SH3KBP1: variants seen among roughly 807,000 people sequenced by gnomAD.
SH3KBP1 encodes SH3 domain-containing kinase-binding protein 1.
SH3KBP1 carries 8 observed loss-of-function variants against 50.1 expected under a neutral mutation model. The observed-to-expected ratio is 0.16, with a 90% confidence interval of 0.09 to 0.29. SH3KBP1 has a LOEUF of 0.29. Among genes scored for constraint, SH3KBP1 ranks in the 10% least tolerant of loss-of-function variants. The probability of loss-of-function intolerance (pLI) is 1.00; values close to 1 mark genes in which losing one functional copy is unlikely to be tolerated. For missense variants in SH3KBP1, 377 were observed against 535.2 expected (o/e 0.70, Z 2.92); for synonymous variants, 227 against 218.6 (o/e 1.04, Z -0.34).
chrX:19,760,041 C>CCCTCTCCCTCTCTCT (rs2065349510), intron 2 of SH3KBP1, among the ~76,000 whole-genome samples: 1 of 50,459 alleles, frequency 2.0e-5, no homozygotes, highest in African/African-American at 9.3e-5. Context: ...TCTCTCTCTC[C>CCCTCTCCCTCTCTCT]CTCTCTCTCT....
chrX:19,667,482 A>G (rs2062627412), intron 6 of SH3KBP1, among the ~76,000 whole-genome samples: 1 of 110,635 alleles, frequency 9.0e-6, no homozygotes, highest in Non-Finnish European at 1.9e-5. Context: ...AAAAAAAGTC[A>G]GCTAGGCATG....
At chrX:19,651,448 A>C (rs1428667519) in intron 6 of SH3KBP1, among the ~76,000 whole-genome samples, 1 of 112,205 alleles carries the variant, frequency 8.9e-6, no homozygotes, top group Non-Finnish European at 1.9e-5. Flanking sequence ...AACACCTCAC[A>C]TACTGTTAGG....
Position 19,607,477 on chromosome X carries a change from G to A in SH3KBP1, c.1005+461C>T, listed in dbSNP as rs367971814. 2.7e-4 allele frequency among the ~76,000 whole-genome samples: 30 copies of A among 112,167 alleles called. No homozygotes were observed. The East Asian group carries it at 6.7e-3, about 25-fold the overall frequency. On this transcript the variant is annotated intron_variant, in intron 9 of 17. Transcript: ENST00000397821. The stretch of plus-strand genomic sequence containing the variant: ...TACTAATATACGGATATGTGCGGGT[G>A]TACTCACACATGTAAGCATATAGTG...
At chrX:19,645,337 T>C in intron 7 of SH3KBP1, 63 bp downstream of exon 7, 1 of 903,037 alleles carries the variant, frequency 1.1e-6, no homozygotes, top group East Asian at 3.1e-5. Flanking sequence ...CTAAAAAACA[T>C]TTCTGTTATT....
chrX:19,648,426 AGGAG>A (rs1444748625), intron 6 of SH3KBP1, among the ~76,000 whole-genome samples: 1 of 96,332 alleles, frequency 1.0e-5, no homozygotes, highest in African/African-American at 3.8e-5. Flanking sequence ...GAAGGAAGGA[AGGAG>A]GGAAGGAAGG....
At chrX:19,840,912 A>C (rs2068199350) in intron 1 of SH3KBP1, among the ~76,000 whole-genome samples, 1 of 112,298 alleles carries the variant, frequency 8.9e-6, no homozygotes, top group African/African-American at 3.2e-5. Context: ...AGCCTCCACA[A>C]GTTTGCTACA....
chrX:19,769,001 C>A (rs966082567), intron 2 of SH3KBP1, among the ~76,000 whole-genome samples: 1 of 108,777 alleles, frequency 9.2e-6, no homozygotes, highest in African/African-American at 3.4e-5. Flanking sequence ...AATAGAGACA[C>A]CTCCTGTTAA....
chrX:19,753,335 T>C (rs995121894), intron 2 of SH3KBP1, among the ~76,000 whole-genome samples: 2 of 112,139 alleles, frequency 1.8e-5, no homozygotes, highest in African/African-American at 3.2e-5. Context: ...CACTAGTTCA[T>C]AGAAAACCAT....
intron 3 of SH3KBP1, among the ~76,000 whole-genome samples, chrX:19,726,590 C>A: frequency 9.0e-6 from 1 of 111,439 alleles, no homozygotes; most frequent in Non-Finnish European, 1.9e-5. Flanking sequence ...ATACACAGAG[C>A]AGCTTAATGT....
rs190809656 is a variant in SH3KBP1 at position 19,710,655 on chromosome X, T to G, written c.287-3671A>C. Among the ~76,000 whole-genome samples, 51 of 111,917 alleles carry G rather than the reference T, an allele frequency of 4.6e-4. 1 individual carries two copies. In the East Asian group the frequency reaches 5.3e-3, roughly 12 times the overall value. ...CTCTTCCTGCGCTTAATTTATAAAT[T>G]AATCTTTCTCATAGATATGTACGTA... On this transcript the variant is annotated intron_variant, in intron 3 of 17. Transcript: ENST00000397821.
Position 19,534,858 on chromosome X carries a change from G to C in SH3KBP1, c.*1559C>G, listed in dbSNP as rs1226555774. On this transcript the variant is annotated 3_prime_UTR_variant, in exon 18 of 18. Transcript: ENST00000397821. The stretch of plus-strand genomic sequence containing the variant: ...GAAGGCAGGGGGAGGAAGGGAGGAA[G>C]AGAAAGGAAGAGACATTTATTTGTA... 1 of 296,000 alleles carries C rather than the reference G, an allele frequency of 3.4e-6. No homozygotes were observed. The highest frequency in any genetic ancestry group is 2.7e-5 in the African/African-American group (1 of 36,452). 24.4% of individuals were successfully genotyped at this position (296,000 alleles called of 1,213,427 possible). A position where few individuals can be genotyped will look rare whatever the true frequency, so the allele number is the denominator to read the frequency against.
At chrX:19,866,979 G>A (rs925982460) in intron 1 of SH3KBP1, among the ~76,000 whole-genome samples, 1 of 111,081 alleles carries the variant, frequency 9.0e-6, no homozygotes, top group African/African-American at 3.3e-5. Context: ...ACATGCACTC[G>A]AGCAGAAGTC....
intron 3 of SH3KBP1, among the ~76,000 whole-genome samples, chrX:19,722,618 G>A (rs973174252): frequency 1.0e-5 from 1 of 98,729 alleles, no homozygotes; most frequent in Non-Finnish European, 2.0e-5. Flanking sequence ...GTGTGTGTCC[G>A]TCCCCAGTGC....
rs1196818551 is a variant in SH3KBP1, at chrX:19,683,813, T to C, written c.726+10A>G. On this transcript the variant is annotated intron_variant, in intron 6 of 17. Transcript: ENST00000397821. Reference sequence around the variant, plus strand: ...TTAAGTTGAAATCAAATAGAAACTGTCGAACATACCTTTTCTACCGGCAGA... The same window carrying C: ...TTAAGTTGAAATCAAATAGAAACTGCCGAACATACCTTTTCTACCGGCAGA... 8.3e-7 allele frequency: 1 copy of C among 1,199,210 alleles called. No homozygotes were observed. Among genetic ancestry groups the C allele is most frequent in the Non-Finnish European group, 1.1e-6 (1 of 883,843 alleles).
intron 2 of SH3KBP1, among the ~76,000 whole-genome samples, chrX:19,833,015 T>C (rs754390141): frequency 8.9e-6 from 1 of 112,314 alleles, no homozygotes; most frequent in South Asian, 3.7e-4. Context: ...TGTAGATTTG[T>C]GGTTTAAAAT....
At chrX:19,811,118 ACCG>A (rs2067192508) in intron 2 of SH3KBP1, among the ~76,000 whole-genome samples, 2 of 111,681 alleles carry the variant, frequency 1.8e-5, no homozygotes, top group African/African-American at 6.5e-5. Flanking sequence ...CAGTTTCAAG[ACCG>A]GGGGAGAAAA....
At chrX:19,608,356 T>C (rs1387674988) in intron 8 of SH3KBP1, among the ~76,000 whole-genome samples, 1 of 102,087 alleles carries the variant, frequency 9.8e-6, no homozygotes, top group Non-Finnish European at 2.0e-5. Flanking sequence ...TCGCCCAGGC[T>C]GGAGTGCAGT....
intron 6 of SH3KBP1, among the ~76,000 whole-genome samples, chrX:19,677,882 T>C (rs1380676578): frequency 8.9e-6 from 1 of 112,338 alleles, no homozygotes; most frequent in African/African-American, 3.2e-5. Flanking sequence ...CTCTTCCCCT[T>C]TATGTTTCCT....
intron 2 of SH3KBP1, among the ~76,000 whole-genome samples, chrX:19,809,114 A>C (rs2067133770): frequency 8.9e-6 from 1 of 112,183 alleles, no homozygotes; most frequent in Non-Finnish European, 1.9e-5. Flanking sequence ...TGTGTACAGC[A>C]CTTGGTTCTT....
Sources: allele counts gnomAD v4.1 joint callset (sites outside exome capture counted in the v4.1 genomes callset), GRCh38; gene constraint gnomAD v4.1.1; transcripts MANE v1.5; gene names NCBI Gene and HGNC (gene_info 2026-07-23, HGNC 2026-07-21).